Variants in CIB4 observed in about 807,000 individuals in gnomAD.
CIB4 encodes the protein calcium and integrin binding family member 4, also known as calcium and integrin-binding family member 4.
CIB4 carries 25 observed loss-of-function variants against 25.8 expected under a neutral mutation model. That is an observed-to-expected ratio of 0.97 (90% confidence interval 0.71 to 1.35). The LOEUF is 1.35. Among genes scored for constraint, CIB4 ranks in the 40% most tolerant of loss-of-function variants. CIB4 has a pLI of 0.00. For synonymous variants in CIB4, 75 were observed against 81.4 expected, an observed-to-expected ratio of 0.92 and a Z score of 0.42; for missense variants, 235 against 228.2, an observed-to-expected ratio of 1.03 and a Z score of -0.19.
intron 3 of CIB4, among the ~76,000 whole-genome samples, chr2:26,626,383 A>T (rs957389713): frequency 1.5e-5 from 2 of 131,108 alleles, no homozygotes; most frequent in African/African-American, 6.0e-5. Context: ...ACCCAAGTAG[A>T]AAAAAAAAGC....
At chr2:26,614,226 C>A (rs2148212653) in intron 3 of CIB4, among the ~76,000 whole-genome samples, 1 of 152,306 alleles carries the variant, frequency 6.6e-6, no homozygotes, top group Middle Eastern at 3.4e-3. Flanking sequence ...TGGAATAAAG[C>A]CTCAAGCCAG....
chr2:26,587,234 A>G (rs907223674), intron 4 of CIB4, among the ~76,000 whole-genome samples: 13 of 135,770 alleles, frequency 9.6e-5, no homozygotes, highest in Middle Eastern at 3.8e-3. Context: ...TGAACCTGGG[A>G]GGCAGAGCTT....
chr2:26,614,901 C>T (rs879288857), intron 3 of CIB4, among the ~76,000 whole-genome samples: 8 of 152,232 alleles, frequency 5.3e-5, no homozygotes, highest in Admixed American at 1.3e-4. Context: ...TGCTGCACGT[C>T]AAGGATAATG....
chr2:26,588,988 T>TTCTTCTTCTTCC (rs1668510719), intron 4 of CIB4, among the ~76,000 whole-genome samples: 1 of 40,064 alleles, frequency 2.5e-5, no homozygotes, highest in African/African-American at 1.0e-4. Context: ...TTTCTTCTTC[T>TTCTTCTTCTTCC]TCTTCTTCTT....
intron 3 of CIB4, among the ~76,000 whole-genome samples, chr2:26,613,035 G>A (rs1669025889): frequency 1.3e-5 from 2 of 152,182 alleles, no homozygotes; most frequent in South Asian, 4.1e-4. Flanking sequence ...AGAGAAGGAG[G>A]ATCCTTTCCC....
chr2:26,588,470 A>G (rs570133961), intron 4 of CIB4, among the ~76,000 whole-genome samples: 1 of 152,096 alleles, frequency 6.6e-6, no homozygotes, highest in Non-Finnish European at 1.5e-5. Flanking sequence ...CTGTCTCCCA[A>G]CAATGCTAGG....
intron 4 of CIB4, among the ~76,000 whole-genome samples, chr2:26,588,382 A>G (rs1214006866): frequency 1.3e-5 from 2 of 152,218 alleles, no homozygotes; most frequent in Non-Finnish European, 2.9e-5. Flanking sequence ...CTGGGGGCTG[A>G]GAGCTCCGGG....
At chr2:26,610,941 T>A (rs1230208926) in intron 3 of CIB4, among the ~76,000 whole-genome samples, 3 of 128,014 alleles carry the variant, frequency 2.3e-5, no homozygotes, top group African/African-American at 9.4e-5. Context: ...AACGCTGCAT[T>A]GCAATGGAAA....
chr2:26,592,934 G>A (rs1380551702), intron 4 of CIB4, among the ~76,000 whole-genome samples: 1 of 152,142 alleles, frequency 6.6e-6, no homozygotes, highest in Admixed American at 6.5e-5. Context: ...AAGGTTGCCC[G>A]GATAGCTGGC....
At chr2:26,602,712 T>A (rs1038351433) in intron 3 of CIB4, among the ~76,000 whole-genome samples, 1 of 152,182 alleles carries the variant, frequency 6.6e-6, no homozygotes, top group Non-Finnish European at 1.5e-5. Context: ...TCAAGGTTAA[T>A]ATCACCAGTA....
chr2:26,608,870 T>C (rs1297794916), intron 3 of CIB4, among the ~76,000 whole-genome samples: 1 of 152,012 alleles, frequency 6.6e-6, no homozygotes, highest in African/African-American at 2.4e-5. Context: ...GCCCACCCTC[T>C]TCTCACCTCT....
At chr2:26,616,897 G>T (rs944420892) in intron 3 of CIB4, among the ~76,000 whole-genome samples, 1 of 152,170 alleles carries the variant, frequency 6.6e-6, no homozygotes, top group Non-Finnish European at 1.5e-5. Context: ...GAAGGGCAGG[G>T]CCTCTTCATA....
At chr2:26,624,741 G>T (rs1250727339) in intron 3 of CIB4, among the ~76,000 whole-genome samples, 2 of 99,340 alleles carry the variant, frequency 2.0e-5, no homozygotes, top group African/African-American at 8.1e-5. Context: ...GTGGGAGGGT[G>T]GGGGGCGGGG....
At chr2:26,612,020 C>G (rs1373853144) in intron 3 of CIB4, among the ~76,000 whole-genome samples, 1 of 152,178 alleles carries the variant, frequency 6.6e-6, no homozygotes, top group East Asian at 1.9e-4. Flanking sequence ...TGGTGTCATA[C>G]TACGTTAACA....
chr2:26,632,094 G>A (rs926964455), intron 2 of CIB4, among the ~76,000 whole-genome samples: 18 of 152,178 alleles, frequency 1.2e-4, no homozygotes, highest in Admixed American at 3.3e-4. Flanking sequence ...CTCTAGCTAC[G>A]AGACCCAAGG....
At chr2:26,610,065 T>G (rs1346588744) in intron 3 of CIB4, among the ~76,000 whole-genome samples, 1 of 152,138 alleles carries the variant, frequency 6.6e-6, no homozygotes, top group Non-Finnish European at 1.5e-5. Flanking sequence ...CCGCTGTGCC[T>G]CCACGACCCT....
intron 2 of CIB4, among the ~76,000 whole-genome samples, chr2:26,637,684 T>C (rs1293284022): frequency 1.3e-5 from 2 of 152,108 alleles, no homozygotes; most frequent in African/African-American, 4.8e-5. Context: ...TGGGTCAAGG[T>C]GTACTTCTCA....
At chr2:26,593,326 A>ATG (rs766366755) in intron 4 of CIB4, among the ~76,000 whole-genome samples, 26 of 151,286 alleles carry the variant, frequency 1.7e-4, no homozygotes, top group Non-Finnish European at 1.8e-4. Flanking sequence ...GTGTGTGTAT[A>ATG]TGTGTGTGTG....
intron 3 of CIB4, among the ~76,000 whole-genome samples, chr2:26,616,923 C>T (rs982968136): frequency 1.3e-5 from 2 of 152,116 alleles, no homozygotes; most frequent in Non-Finnish European, 1.5e-5. Flanking sequence ...GACAAAGGCT[C>T]AAACGATTGC....
Sources: gnomAD v4.1 joint callset for allele counts (sites outside exome capture counted in the v4.1 genomes callset) on GRCh38, gnomAD v4.1.1 for gene constraint, MANE v1.5 for transcripts, NCBI Gene and HGNC (gene_info 2026-07-23, HGNC 2026-07-21) for gene names.